FRMD1: variants seen among roughly 807,000 people sequenced by gnomAD.
FRMD1 encodes the protein FERM domain-containing protein 1.
A neutral mutation model predicts 54.9 loss-of-function variants in FRMD1; 51 were observed. The observed-to-expected ratio is 0.93, with a 90% confidence interval of 0.74 to 1.17. The LOEUF (loss-of-function observed/expected upper bound fraction) is 1.17, where lower values mean the gene tolerates loss of function less well. Ranked by LOEUF, FRMD1 falls within the 50% of genes most tolerant of loss-of-function variation. FRMD1 has a pLI of 0.00. For missense variants in FRMD1, 729 were observed against 743.0 expected (o/e 0.98, Z 0.22); for synonymous variants, 324 against 306.4 (o/e 1.06, Z -0.60).
intron 7 of FRMD1, chr6:168,062,635 G>A: frequency 6.5e-7 from 1 of 1,542,864 alleles, no homozygotes; most frequent in African/African-American, 1.4e-5. Context: ...CATCTGCCCA[G>A]GCTTTCCAGG....
Position 168,079,117 on chromosome 6 carries a change from C to T in FRMD1, c.-23G>A. 6.4e-7 allele frequency: 1 copy of T among 1,573,808 alleles called. No homozygotes were observed. Among genetic ancestry groups the T allele is most frequent in the Non-Finnish European group, 8.6e-7 (1 of 1,163,774 alleles). ...CATGCTGTCGTTACTCGGCCCTCCC[C>T]CGCCATGGGTCGCAGGTGGGTGCTC... On this transcript the variant is annotated 5_prime_UTR_variant, in exon 1 of 11. Transcript: ENST00000283309.
At chr6:168,092,789 C>A (rs1005857363) in intron 1 of FRMD1, among the ~76,000 whole-genome samples, 1 of 152,222 alleles carries the variant, frequency 6.6e-6, no homozygotes, top group Admixed American at 6.5e-5. Context: ...AATCCAGTCA[C>A]CACCAGGGTG....
Position 168,059,314 on chromosome 6 carries a change from C to T in FRMD1, c.1343-126G>A. On this transcript the variant is annotated intron_variant, in intron 9 of 10. Transcript: ENST00000283309. The surrounding 1 kb of genome is among the most constrained non-coding windows in gnomAD (Gnocchi z 4.4). ...CGGCATCTCCTGAGGCTCACACCGCCCCCTTGCTCTCAGTGCGGTGACTGC... is the reference window on the plus strand; with the variant it reads ...CGGCATCTCCTGAGGCTCACACCGCTCCCTTGCTCTCAGTGCGGTGACTGC... 1.4e-6 allele frequency: 1 copy of T among 736,886 alleles called. No homozygotes were observed. Among genetic ancestry groups the T allele is most frequent in the African/African-American group, 1.8e-5 (1 of 56,848 alleles). The allele number at this position is 736,886 out of a possible 1,614,324, so 45.6% of individuals were successfully genotyped here.
At chr6:168,075,768 T>A in intron 1 of FRMD1, 2 of 1,550,796 alleles carry the variant, frequency 1.3e-6, no homozygotes, top group Non-Finnish European at 1.7e-6. Context: ...ATGCGAGTGA[T>A]CCCAACAGTG....
intron 7 of FRMD1, chr6:168,062,688 C>A (rs949783023): frequency 1.3e-6 from 2 of 1,550,718 alleles, no homozygotes; most frequent in African/African-American, 2.7e-5. Context: ...GCCAGCTTCC[C>A]AACGTGGGGC....
At chr6:168,092,289 G>A (rs1417188136) in intron 1 of FRMD1, among the ~76,000 whole-genome samples, 2 of 152,320 alleles carry the variant, frequency 1.3e-5, no homozygotes, top group East Asian at 1.9e-4. Flanking sequence ...TTTGCAAAAT[G>A]TTCTCGATAA....
intron 1 of FRMD1, among the ~76,000 whole-genome samples, chr6:168,076,102 C>T (rs533659121): frequency 1.3e-5 from 2 of 152,164 alleles, no homozygotes; most frequent in African/African-American, 2.4e-5. Context: ...CCCTGGTCAC[C>T]GGGCAGCAGA....
Position 168,060,944 on chromosome 6 carries a change from G to A in FRMD1, c.1159C>T (p.Arg387Cys), listed in dbSNP as rs752860506. Residue 387 changes from arginine (R) to cysteine (C), a missense_variant, in exon 9 of 11, where the codon CGC (arginine) becomes TGC (cysteine). Physicochemically the swap from Arg to Cys is radical, Grantham distance 180. Transcript: ENST00000283309. ...CTGCCGTGGCTGTCGGCGGAGTGGC[G>A]TGAGAGGCAGTGGGGGCAGTGCTGG... ...SSQHCPHCLSRHSADSHGSSY... is the reference protein window; with the variant it reads ...SSQHCPHCLSCHSADSHGSSY... 11 of 1,613,462 alleles carry A rather than the reference G, an allele frequency of 6.8e-6. No homozygotes were observed. The highest frequency in any genetic ancestry group is 4.4e-5 in the South Asian group (4 of 91,084).
At chr6:168,067,274 G>A (rs915644378) in intron 3 of FRMD1, 93 bp downstream of exon 3, 5 of 796,640 alleles carry the variant, frequency 6.3e-6, no homozygotes, top group South Asian at 1.6e-5. Context: ...ACAGCCCACC[G>A]CGGTGCCTGC....
intron 3 of FRMD1, 84 bp from the exon 4 acceptor site, chr6:168,066,915 G>A: frequency 6.5e-7 from 1 of 1,543,214 alleles, no homozygotes; most frequent in African/African-American, 1.4e-5. Context: ...GGGGGGCCTG[G>A]ATTGCTTCAC....
At chr6:168,064,762 C>T (rs1799939052) in intron 5 of FRMD1, 109 bp downstream of exon 5, 23 of 1,464,904 alleles carry the variant, frequency 1.6e-5, no homozygotes, top group Non-Finnish European at 2.0e-5. Context: ...GACCCTTGCT[C>T]CAGCAGCCCC....
chr6:168,067,330 G>C (rs373960975), intron 3 of FRMD1, 37 bp downstream of exon 3: 1 of 1,367,736 alleles, frequency 7.3e-7, no homozygotes, highest in Non-Finnish European at 1.0e-6. Flanking sequence ...AGCCCACCGC[G>C]GTGCCTGCCC....
chr6:168,058,567 G>A (rs1053864589), intron 10 of FRMD1, among the ~76,000 whole-genome samples: 1 of 152,064 alleles, frequency 6.6e-6, no homozygotes, highest in Non-Finnish European at 1.5e-5. Flanking sequence ...GCGGGGGTTG[G>A]GGGGTGGGGA....
chr6:168,064,394 C>G (rs1799918740), intron 5 of FRMD1, among the ~76,000 whole-genome samples: 1 of 152,230 alleles, frequency 6.6e-6, no homozygotes, highest in Admixed American at 6.5e-5. Flanking sequence ...ACTGGGCACA[C>G]AGTGGTACAG....
rs1466864143 is a variant in FRMD1, at chr6:168,059,838, A to G, written c.1343-650T>C. 6.6e-6 allele frequency among the ~76,000 whole-genome samples: 1 copy of G among 152,030 alleles called. No homozygotes were observed. The highest frequency in any genetic ancestry group is 2.4e-5 in the African/African-American group (1 of 41,398). On this transcript the variant is annotated intron_variant, in intron 9 of 10. Coordinates refer to ENST00000283309, the MANE Select transcript of FRMD1 (RefSeq NM_024919.6). This position sits in a 1 kb window ranked among gnomAD's most constrained non-coding sequence, Gnocchi z 4.4. ...TACACACAGGGAATGGGCAGGGTGC[A>G]TCCCTCAGGACAAGGTGCTGCGTCC...
chr6:168,062,015 G>A, intron 7 of FRMD1, 34 bp from the exon 8 acceptor site: 1 of 1,562,046 alleles, frequency 6.4e-7, no homozygotes, highest in East Asian at 2.4e-5. Context: ...CCACTCCACA[G>A]GTGGAAAACC....
chr6:168,058,224 C>T (rs1799517830), intron 10 of FRMD1, among the ~76,000 whole-genome samples: 1 of 147,088 alleles, frequency 6.8e-6, no homozygotes, highest in Non-Finnish European at 1.5e-5. Flanking sequence ...GCCCTGTTCT[C>T]TCTCTCCATC....
intron 2 of FRMD1, among the ~76,000 whole-genome samples, chr6:168,074,525 T>G (rs2115006381): frequency 6.6e-6 from 1 of 151,924 alleles, no homozygotes; most frequent in African/African-American, 2.4e-5. Flanking sequence ...GGTGTATGTA[T>G]GTGTACATGT....
intron 10 of FRMD1, chr6:168,057,601 C>T: frequency 1.9e-6 from 1 of 522,158 alleles, no homozygotes; most frequent in South Asian, 2.1e-5. Flanking sequence ...CCTTTTAACT[C>T]AGTGGACCTG....
Sources: gnomAD v4.1 joint callset for allele counts (sites outside exome capture counted in the v4.1 genomes callset) on GRCh38, gnomAD v4.1.1 for gene constraint, Gnocchi (gnomAD v3.1) non-coding constraint, MANE v1.5 for transcripts, NCBI Gene and HGNC (gene_info 2026-07-23, HGNC 2026-07-21) for gene names.